The following RPRD2 variants were observed in gnomAD, a reference collection of about 807,000 sequenced individuals.
RPRD2 encodes the protein regulation of nuclear pre-mRNA domain containing 2, also known as regulation of nuclear pre-mRNA domain-containing protein 2.
Under a neutral mutation model 104.4 loss-of-function variants are expected in RPRD2, and 12 were observed. That is an observed-to-expected ratio of 0.11 (90% CI 0.07 to 0.19). The LOEUF (loss-of-function observed/expected upper bound fraction) is 0.19. Among genes scored for constraint, RPRD2 ranks in the 10% least tolerant of loss-of-function variants. The pLI is 1.00. For synonymous variants in RPRD2, 714 were observed against 684.9 expected, an observed-to-expected ratio of 1.04 and a Z score of -0.66; for missense variants, 1,543 against 1,790.1, an observed-to-expected ratio of 0.86 and a Z score of 2.49.
At chr1:150,392,474 C>T (rs1325765450) in intron 1 of RPRD2, among the ~76,000 whole-genome samples, 1 of 152,168 alleles carries the variant, frequency 6.6e-6, no homozygotes, top group Non-Finnish European at 1.5e-5. Flanking sequence ...CACTGCACTA[C>T]AGCCTAGGTG....
intron 7 of RPRD2, among the ~76,000 whole-genome samples, chr1:150,455,501 C>CA (rs587732943): frequency 3.3e-4 from 45 of 138,176 alleles, no homozygotes; most frequent in East Asian, 1.1e-3. Context: ...GACTCCATCT[C>CA]AAAAAAAAAA....
chr1:150,453,115 C>T (rs1667310091), intron 7 of RPRD2, among the ~76,000 whole-genome samples: 2 of 151,628 alleles, frequency 1.3e-5, no homozygotes, highest in Admixed American at 6.6e-5. Flanking sequence ...TCACTGCAAC[C>T]TCTGTCTCCC....
chr1:150,439,287 C>T (rs1666245805), intron 2 of RPRD2, among the ~76,000 whole-genome samples: 2 of 152,258 alleles, frequency 1.3e-5, no homozygotes, highest in African/African-American at 4.8e-5. Context: ...TGAAACCAGT[C>T]ACACACATAG....
chr1:150,442,310 A>G (rs1299345166), intron 4 of RPRD2, among the ~76,000 whole-genome samples: 1 of 152,144 alleles, frequency 6.6e-6, no homozygotes, highest in Non-Finnish European at 1.5e-5. Flanking sequence ...GCATTAAACA[A>G]CAGATCTGAA....
intron 1 of RPRD2, among the ~76,000 whole-genome samples, chr1:150,375,368 T>C (rs587665487): frequency 1.2e-4 from 18 of 152,294 alleles, no homozygotes; most frequent in Non-Finnish European, 2.6e-4. Context: ...ACTGACAAAC[T>C]TCACATGGTT....
intron 2 of RPRD2, among the ~76,000 whole-genome samples, chr1:150,419,297 C>T (rs782307484): frequency 2.6e-5 from 4 of 152,114 alleles, no homozygotes; most frequent in South Asian, 2.1e-4. Flanking sequence ...AATGCTTCCT[C>T]AGATTATATA....
At chr1:150,448,691 C>T (rs949313685) in intron 7 of RPRD2, among the ~76,000 whole-genome samples, 1 of 152,014 alleles carries the variant, frequency 6.6e-6, no homozygotes, top group Non-Finnish European at 1.5e-5. Context: ...ATTGTTTGCC[C>T]TTGCATAGCC....
rs191876844 is a variant in RPRD2 at position 150,431,523 on chromosome 1, C to T, written c.336-9400C>T. 5.0e-4 allele frequency among the ~76,000 whole-genome samples: 55 copies of T among 110,460 alleles called. 1 individual carries two copies. Among genetic ancestry groups the T allele is most frequent in the Non-Finnish European group, 3.5e-5 (2 of 57,262 alleles). The allele number at this position is 110,460 out of a possible 152,430, so 72.5% of individuals were successfully genotyped here. A position where few individuals can be genotyped will look rare whatever the true frequency, so the allele number is the denominator to read the frequency against. The stretch of plus-strand genomic sequence containing the variant: ...GAGACGGGGTTTTGTCCTTGTTGCC[C>T]TGGCTGGAGTTCAACAGCACAATCT... On this transcript the variant is annotated intron_variant, in intron 2 of 10. Coordinates refer to ENST00000369068, the MANE Select transcript of RPRD2 (RefSeq NM_015203.5).
chr1:150,432,808 T>A (rs782545256), intron 2 of RPRD2, among the ~76,000 whole-genome samples: 2 of 151,486 alleles, frequency 1.3e-5, no homozygotes, highest in Non-Finnish European at 2.9e-5. Flanking sequence ...TGAGATTCCG[T>A]CTCTAAAAAA....
intron 1 of RPRD2, among the ~76,000 whole-genome samples, chr1:150,406,083 T>C (rs1460225877): frequency 6.6e-6 from 1 of 152,178 alleles, no homozygotes; most frequent in Non-Finnish European, 1.5e-5. Flanking sequence ...ATCTCCTATC[T>C]GTGAAATGAT....
intron 1 of RPRD2, among the ~76,000 whole-genome samples, chr1:150,394,626 C>T (rs1160680967): frequency 6.6e-6 from 1 of 151,710 alleles, no homozygotes; most frequent in African/African-American, 2.4e-5. Flanking sequence ...AAGTCTTGCT[C>T]TGTCGCCCAG....
chr1:150,464,757 T>C (rs1668158611), intron 10 of RPRD2, 30 bp downstream of exon 10: 1 of 1,531,522 alleles, frequency 6.5e-7, no homozygotes, highest in East Asian at 2.3e-5. Flanking sequence ...GGGACTCGAA[T>C]TGTGAATGTT....
rs1203478537 is a variant in RPRD2 at position 150,393,454 on chromosome 1, C to CAAA, written c.206-24121_206-24119dup. Among the ~76,000 whole-genome samples the CAAA allele has an allele frequency of 2.2e-3, 131 of 59,310 alleles. 4 individuals carry two copies. The highest frequency in any genetic ancestry group is 0.012 in the Middle Eastern group (1 of 86). 38.9% of individuals were successfully genotyped at this position (59,310 alleles called of 152,430 possible). On this transcript the variant is annotated intron_variant, in intron 1 of 10. Coordinates refer to ENST00000369068, the MANE Select transcript of RPRD2 (RefSeq NM_015203.5). ...CCTGGGCAACAGAGAGACCCTGTCT[C>CAAA]AAAAAAAAAAAAAAAAAAAAAAACC...
At chr1:150,419,007 G>A (rs1282867674) in intron 2 of RPRD2, among the ~76,000 whole-genome samples, 6 of 152,082 alleles carry the variant, frequency 3.9e-5, no homozygotes, top group African/African-American at 7.2e-5. Flanking sequence ...GTGAAACTCC[G>A]TCTCAAAACA....
At chr1:150,380,780 G>A (rs782290688) in intron 1 of RPRD2, among the ~76,000 whole-genome samples, 9 of 151,934 alleles carry the variant, frequency 5.9e-5, no homozygotes, top group African/African-American at 9.7e-5. Flanking sequence ...TCAGCCTCCC[G>A]AGTAGCTGGG....
At chr1:150,382,652 C>T (rs1157984446) in intron 1 of RPRD2, among the ~76,000 whole-genome samples, 1 of 152,166 alleles carries the variant, frequency 6.6e-6, no homozygotes, top group Non-Finnish European at 1.5e-5. Context: ...AGCCACTGCA[C>T]CTGGCCTATA....
At chr1:150,441,809 C>T (rs1666423229) in intron 3 of RPRD2, 72 bp from the exon 4 acceptor site, 2 of 979,864 alleles carry the variant, frequency 2.0e-6, no homozygotes. Flanking sequence ...CATGCTGCAA[C>T]TTTGGCACTG....
chr1:150,442,268 G>A (rs587775406), intron 4 of RPRD2, among the ~76,000 whole-genome samples: 1 of 152,180 alleles, frequency 6.6e-6, no homozygotes, highest in African/African-American at 2.4e-5. Context: ...ATAATTTTCA[G>A]GTTCAAGGAT....
intron 7 of RPRD2, among the ~76,000 whole-genome samples, chr1:150,450,463 T>C (rs1320808554): frequency 6.6e-6 from 1 of 150,668 alleles, no homozygotes; most frequent in Non-Finnish European, 1.5e-5. Context: ...AAAAATTAGG[T>C]GGGCGTGGTG....
Sources: allele counts gnomAD v4.1 joint callset (sites outside exome capture counted in the v4.1 genomes callset), GRCh38; gene constraint gnomAD v4.1.1; transcripts MANE v1.5; gene names NCBI Gene and HGNC (gene_info 2026-07-23, HGNC 2026-07-21).